Variants in ST6GALNAC2 observed in about 807,000 individuals in gnomAD.
ST6GALNAC2 encodes alpha-N-acetylgalactosaminide alpha-2,6-sialyltransferase 2.
In ST6GALNAC2, 42 loss-of-function variants were observed where a neutral mutation model predicts 38.7. That is an observed-to-expected ratio of 1.09 (90% CI 0.85 to 1.40). ST6GALNAC2 has a LOEUF of 1.40. Among genes scored for constraint, ST6GALNAC2 ranks in the 40% most tolerant of loss-of-function variants. The probability of loss-of-function intolerance (pLI) is 0.00; values close to 1 mark genes in which losing one functional copy is unlikely to be tolerated. For missense variants in ST6GALNAC2, 506 were observed against 481.7 expected (o/e 1.05, Z -0.47); for synonymous variants, 233 against 209.0 (o/e 1.11, Z -0.99).
chr17:76,585,786 A>T lies in ST6GALNAC2; in HGVS notation c.23T>A (p.Phe8Tyr). The T allele has an allele frequency of 6.4e-7, 1 of 1,554,460 alleles. No homozygotes were observed. Among genetic ancestry groups the T allele is most frequent in the Non-Finnish European group, 8.7e-7 (1 of 1,152,248 alleles). Residue 8 changes from phenylalanine to tyrosine, a missense_variant, in exon 1 of 9, where the codon TTC becomes TAC. By Grantham distance (22) the Phe-to-Tyr change is conservative. Transcript: ENST00000225276. MGLPRGS[F>Y]FWLLLLLTAA... ...CGTGAGCAGGAGCAGCAGCCAGAAGAACGACCCGCGCGGGAGCCCCATACA... is the reference window on the plus strand; with the variant it reads ...CGTGAGCAGGAGCAGCAGCCAGAAGTACGACCCGCGCGGGAGCCCCATACA...
intron 6 of ST6GALNAC2, 185 bp downstream of exon 6, chr17:76,570,380 A>C: frequency 1.7e-6 from 1 of 581,518 alleles, no homozygotes; most frequent in African/African-American, 1.9e-5. Context: ...AGGGGTAGAC[A>C]AAAAGTAGAA....
At chr17:76,571,060 G>A (rs931091470) in intron 5 of ST6GALNAC2, 1 of 164,668 alleles carries the variant, frequency 6.1e-6, no homozygotes, top group African/African-American at 2.4e-5. Context: ...ATAGCCTACA[G>A]AGGGCCCAAG....
intron 2 of ST6GALNAC2, among the ~76,000 whole-genome samples, chr17:76,577,910 G>A (rs1396393127): frequency 1.3e-5 from 2 of 152,084 alleles, no homozygotes; most frequent in Admixed American, 6.5e-5. Context: ...TCACCTGCCC[G>A]GGCTACTTGC....
At chr17:76,583,346 A>G (rs1332716955) in intron 1 of ST6GALNAC2, among the ~76,000 whole-genome samples, 1 of 148,840 alleles carries the variant, frequency 6.7e-6, no homozygotes, top group East Asian at 2.0e-4. Flanking sequence ...ACTGCACTCC[A>G]GCCTGGGCGA....
chr17:76,570,801 C>T, intron 5 of ST6GALNAC2, 133 bp from the exon 6 acceptor site: 1 of 684,464 alleles, frequency 1.5e-6, no homozygotes, highest in Non-Finnish European at 2.6e-6. Flanking sequence ...CATTCCCACC[C>T]AGAGGTGCTG....
chr17:76,566,669 A>G (rs150308505), intron 8 of ST6GALNAC2, among the ~76,000 whole-genome samples: 64 of 150,088 alleles, frequency 4.3e-4, no homozygotes, highest in African/African-American at 1.5e-3. Flanking sequence ...CAGCCTGGGC[A>G]ACATGGTAAG....
rs72869501 is a variant in ST6GALNAC2 at position 76,574,476 on chromosome 17, A to G, written c.250T>C (p.Phe84Leu). The G allele has an allele frequency of 1.5e-5, 24 of 1,611,604 alleles. No homozygotes were observed. The highest frequency in any genetic ancestry group is 2.0e-5 in the Non-Finnish European group (24 of 1,178,640). Residue 84 changes from phenylalanine to leucine, a missense_variant, in exon 3 of 9, where the codon TTC (phenylalanine) becomes CTC (leucine). By Grantham distance (22) the Phe-to-Leu change is conservative. Transcript: ENST00000225276. The stretch of plus-strand genomic sequence containing the variant: ...AGCAGCACTGGAATGGAGAGATTGA[A>G]CAGGCCACGGAAGTGGGGGTGCCGC... The part of the protein sequence containing the change: ...IQRHPHFRGL[F>L]NLSIPVLLWG...
chr17:76,582,164 CTTTTTTTTTTT>C (rs71158025), intron 1 of ST6GALNAC2, among the ~76,000 whole-genome samples: 1 of 62,046 alleles, frequency 1.6e-5, no homozygotes, highest in Admixed American at 2.2e-4. Flanking sequence ...CGTGCCCAGC[CTTTTTTTTTTT>C]TTTTTTTTTT....
In ST6GALNAC2 at chr17:76,582,689, C is replaced by T. The variant is rs373461379; in HGVS notation, c.125+2995G>A. Among the ~76,000 whole-genome samples the T allele has an allele frequency of 3.3e-5, 5 of 152,320 alleles. No homozygotes were observed. In the East Asian group the frequency reaches 9.7e-4, roughly 29 times the overall value. ...CTAATCTGCACTAAAGAGCCCTCTC[C>T]TTGGGCTCTGTAGACCCTGTCCCAG... On this transcript the variant is annotated intron_variant, in intron 1 of 8. Coordinates refer to ENST00000225276, the MANE Select transcript of ST6GALNAC2 (RefSeq NM_006456.3).
At position 76,565,876 on chromosome 17, in the gene ST6GALNAC2, T is replaced by C; in HGVS notation, c.*228A>G. On this transcript the variant is annotated 3_prime_UTR_variant, in exon 9 of 9. Coordinates refer to ENST00000225276, the MANE Select transcript of ST6GALNAC2 (RefSeq NM_006456.3). ...ATCCAGCAAAGCAGTCCATTTTCCC[T>C]TGGCCAAGATTGAGATGTATTGTTT... The C allele has an allele frequency of 2.1e-6, 1 of 473,836 alleles. No individual in the cohort carries two copies. Among genetic ancestry groups the C allele is most frequent in the Non-Finnish European group, 3.7e-6 (1 of 269,602 alleles). 29.4% of individuals were successfully genotyped at this position (473,836 alleles called of 1,614,324 possible).
intron 8 of ST6GALNAC2, among the ~76,000 whole-genome samples, chr17:76,566,739 T>C (rs1463422269): frequency 6.6e-6 from 1 of 150,422 alleles, no homozygotes; most frequent in Non-Finnish European, 1.5e-5. Flanking sequence ...AGTACATGCC[T>C]GTGATCCCAG....
chr17:76,583,820 T>TC (rs1193046288), intron 1 of ST6GALNAC2, among the ~76,000 whole-genome samples: 1 of 150,472 alleles, frequency 6.6e-6, no homozygotes, highest in Admixed American at 6.6e-5. Context: ...TTCTTTTTTT[T>TC]TTTTTTGAGA....
rs375752344 is a variant in ST6GALNAC2 at position 76,568,838 on chromosome 17, C to T, written c.774-42G>A. The T allele has an allele frequency of 4.9e-5, 79 of 1,601,996 alleles. 1 individual carries two copies. Among genetic ancestry groups the T allele is most frequent in the East Asian group, 1.8e-4 (8 of 44,672 alleles). On this transcript the variant is annotated intron_variant, in intron 6 of 8. Coordinates refer to ENST00000225276, the MANE Select transcript of ST6GALNAC2 (RefSeq NM_006456.3). Reference sequence around the variant, plus strand: ...AAGTGGACAGAGCGCCCAGAGCCGTCGTATTGCAAGGGGGAGATGGAGGGG... The same window carrying T: ...AAGTGGACAGAGCGCCCAGAGCCGTTGTATTGCAAGGGGGAGATGGAGGGG...
chr17:76,568,974 G>A (rs1010512073), intron 6 of ST6GALNAC2, 178 bp from the exon 7 acceptor site: 1 of 607,666 alleles, frequency 1.6e-6, no homozygotes, highest in South Asian at 1.9e-5. Context: ...TGGGGACCAC[G>A]TGCGGCTTCC....
Position 76,580,149 on chromosome 17 carries a change from G to A in ST6GALNAC2, c.126-1333C>T, listed in dbSNP as rs186124454. The stretch of plus-strand genomic sequence containing the variant: ...AAGTGTCCTCTAGGTGGCCAGGCAC[G>A]GTGGCTCATGCCTGTAATCCCAGTA... On this transcript the variant is annotated intron_variant, in intron 1 of 8. Coordinates refer to ENST00000225276, the MANE Select transcript of ST6GALNAC2 (RefSeq NM_006456.3). Among the ~76,000 whole-genome samples the A allele has an allele frequency of 1.4e-4, 21 of 152,282 alleles. No homozygotes were observed. In the East Asian group the frequency reaches 3.1e-3, roughly 22 times the overall value.
At chr17:76,568,120 C>T (rs2075307182) in intron 7 of ST6GALNAC2, 1 of 160,598 alleles carries the variant, frequency 6.2e-6, no homozygotes. Flanking sequence ...TGCTCCCTGC[C>T]CTGGGATTCG....
intron 1 of ST6GALNAC2, among the ~76,000 whole-genome samples, chr17:76,580,546 A>C (rs939472188): frequency 9.2e-5 from 14 of 151,918 alleles, no homozygotes; most frequent in Admixed American, 9.2e-4. Flanking sequence ...ATACAAAAAA[A>C]TTAGCCAGGT....
Position 76,574,967 on chromosome 17 carries a change from C to T in ST6GALNAC2, c.187-428G>A, listed in dbSNP as rs113497820. Among the ~76,000 whole-genome samples, 8 of 152,116 alleles carry T rather than the reference C, an allele frequency of 5.3e-5. No individual in the cohort carries two copies. In the East Asian group the frequency reaches 5.8e-4, roughly 11 times the overall value. ...CTGGGATTACAGGCGTGAGCCACCG[C>T]GCCTGGCCCATCCTTGCATTTTTGA... On this transcript the variant is annotated intron_variant, in intron 2 of 8. Transcript: ENST00000225276.
chr17:76,566,596 G>T (rs912009204), intron 8 of ST6GALNAC2, among the ~76,000 whole-genome samples: 1 of 152,012 alleles, frequency 6.6e-6, no homozygotes, highest in Non-Finnish European at 1.5e-5. Flanking sequence ...GGTGGCTCAC[G>T]CCTGTAATCC....
Sources: gnomAD v4.1 joint callset for allele counts (sites outside exome capture counted in the v4.1 genomes callset) on GRCh38, gnomAD v4.1.1 for gene constraint, MANE v1.5 for transcripts, NCBI Gene and HGNC (gene_info 2026-07-23, HGNC 2026-07-21) for gene names.